The following SGCZ variants were observed in gnomAD, a reference collection of about 807,000 sequenced individuals.
SGCZ encodes zeta-sarcoglycan.
Under a neutral mutation model 41.3 loss-of-function variants are expected in SGCZ, and 40 were observed. The ratio of observed to expected loss-of-function variants is 0.97; its 90% CI spans 0.75 to 1.26. The LOEUF is 1.26. SGCZ is among the 50% of genes most tolerant of loss of function. The probability of loss-of-function intolerance (pLI) is 0.00; values close to 1 mark genes in which losing one functional copy is unlikely to be tolerated. For missense variants in SGCZ, 552 were observed against 369.8 expected (o/e 1.49, Z -4.04); for synonymous variants, 206 against 137.5 (o/e 1.50, Z -3.49).
At chr8:15,154,393 T>G (rs1332715126) in intron 1 of SGCZ, among the ~76,000 whole-genome samples, 1 of 152,182 alleles carries the variant, frequency 6.6e-6, no homozygotes, top group Non-Finnish European at 1.5e-5. Flanking sequence ...AGCCTGGTCA[T>G]GCCTCCCTTC....
chr8:14,519,705 A>C lies in SGCZ; in HGVS notation c.234+35027T>G, dbSNP rs564692817. 2.8e-4 allele frequency among the ~76,000 whole-genome samples: 43 copies of C among 152,218 alleles called. 2 individuals are homozygous for C. In the South Asian group the frequency reaches 8.9e-3, roughly 32 times the overall value. ...TCTCGGCTGTTCATTTATCTGCAATAATCTTTCTCATACTCCATTATTTAT... is the reference window on the plus strand; with the variant it reads ...TCTCGGCTGTTCATTTATCTGCAATCATCTTTCTCATACTCCATTATTTAT... On this transcript the variant is annotated intron_variant, in intron 2 of 7. Transcript: ENST00000382080.
At chr8:14,311,714 T>C (rs1377872163) in intron 3 of SGCZ, among the ~76,000 whole-genome samples, 1 of 152,190 alleles carries the variant, frequency 6.6e-6, no homozygotes, top group African/African-American at 2.4e-5. Context: ...TGGAGAAGTA[T>C]ATTTTCAAAG....
intron 5 of SGCZ, among the ~76,000 whole-genome samples, chr8:14,137,472 G>C (rs1000569466): frequency 1.3e-5 from 2 of 152,312 alleles, no homozygotes; most frequent in African/African-American, 4.8e-5. Flanking sequence ...AAACAGTGTA[G>C]AGAAGGCCTT....
At chr8:14,739,857 C>A (rs1435602052) in intron 1 of SGCZ, among the ~76,000 whole-genome samples, 2 of 151,992 alleles carry the variant, frequency 1.3e-5, no homozygotes, top group Non-Finnish European at 2.9e-5. Context: ...ATCCAAAGTT[C>A]TATCGCAATT....
intron 5 of SGCZ, among the ~76,000 whole-genome samples, chr8:14,136,240 G>A (rs1803193377): frequency 6.6e-6 from 1 of 152,164 alleles, no homozygotes; most frequent in Admixed American, 6.5e-5. Flanking sequence ...GAGTGACGCA[G>A]AAGACAGGTG....
chr8:14,199,046 A>G (rs1805370464), intron 4 of SGCZ, among the ~76,000 whole-genome samples: 1 of 152,208 alleles, frequency 6.6e-6, no homozygotes, highest in Admixed American at 6.5e-5. Context: ...TAAGAAAAGG[A>G]TAACAGCAAT....
chr8:14,736,515 G>T (rs1799035404), intron 1 of SGCZ, among the ~76,000 whole-genome samples: 1 of 152,012 alleles, frequency 6.6e-6, no homozygotes, highest in Admixed American at 6.6e-5. Flanking sequence ...GGTGCAGGTG[G>T]TATTTGGTTA....
chr8:15,012,791 G>A (rs1038088637), intron 1 of SGCZ, among the ~76,000 whole-genome samples: 8 of 149,024 alleles, frequency 5.4e-5, no homozygotes, highest in African/African-American at 1.7e-4. Flanking sequence ...TTATTTATGT[G>A]TGTGTGCATA....
chr8:14,188,403 G>C (rs1804975404), intron 4 of SGCZ, among the ~76,000 whole-genome samples: 1 of 150,918 alleles, frequency 6.6e-6, no homozygotes, highest in Admixed American at 6.6e-5. Context: ...TGCAACATTA[G>C]TAAACCCTGA....
intron 3 of SGCZ, among the ~76,000 whole-genome samples, chr8:14,242,743 CT>C (rs1798936844): frequency 6.6e-6 from 1 of 152,012 alleles, no homozygotes; most frequent in Non-Finnish European, 1.5e-5. Context: ...AATGACACAG[CT>C]AAAAAAGGTA....
intron 2 of SGCZ, among the ~76,000 whole-genome samples, chr8:14,409,067 T>C (rs1017984113): frequency 2.0e-5 from 3 of 151,970 alleles, no homozygotes; most frequent in African/African-American, 7.3e-5. Flanking sequence ...ACGACACAGA[T>C]CCCAGTGTTA....
In SGCZ at chr8:14,333,517, G is replaced by T. The variant is rs369726399; in HGVS notation, c.235-9313C>A. ...AATAGAATACCAGAATTAATGACCT[G>T]GTGAAAAAAAAAAGTTACTTTTTCA... On this transcript the variant is annotated intron_variant, in intron 2 of 7. Coordinates refer to ENST00000382080, the MANE Select transcript of SGCZ (RefSeq NM_139167.4). Among the ~76,000 whole-genome samples, 3 of 151,372 alleles carry T rather than the reference G, an allele frequency of 2.0e-5. No individual in the cohort carries two copies. The South Asian group carries it at 6.2e-4, about 32-fold the overall frequency.
chr8:14,789,990 T>C (rs1270998558), intron 1 of SGCZ, among the ~76,000 whole-genome samples: 2 of 152,172 alleles, frequency 1.3e-5, no homozygotes, highest in African/African-American at 4.8e-5. Context: ...TAAATGTAAA[T>C]TCATGTAAAT....
intron 3 of SGCZ, among the ~76,000 whole-genome samples, chr8:14,294,169 G>T (rs1800936725): frequency 6.6e-6 from 1 of 151,696 alleles, no homozygotes; most frequent in African/African-American, 2.4e-5. Flanking sequence ...TTATTATGTA[G>T]ACTAAAAACT....
At chr8:14,933,473 C>T (rs1319491553) in intron 1 of SGCZ, among the ~76,000 whole-genome samples, 2 of 131,366 alleles carry the variant, frequency 1.5e-5, no homozygotes, top group Non-Finnish European at 1.5e-5. Context: ...GCTCTGTCGT[C>T]CAGGCTGGAG....
intron 2 of SGCZ, among the ~76,000 whole-genome samples, chr8:14,390,116 C>G (rs949913769): frequency 6.6e-6 from 1 of 151,784 alleles, no homozygotes; most frequent in Non-Finnish European, 1.5e-5. Flanking sequence ...AATAAAAATT[C>G]CATTCCCAGG....
chr8:14,813,986 C>G lies in SGCZ; in HGVS notation c.40-259060G>C, dbSNP rs144789165. Among the ~76,000 whole-genome samples the G allele has an allele frequency of 2.1e-4, 32 of 152,136 alleles. No homozygotes were observed. In the East Asian group the frequency reaches 6.2e-3, roughly 29 times the overall value. On this transcript the variant is annotated intron_variant, in intron 1 of 7. Coordinates refer to ENST00000382080, the MANE Select transcript of SGCZ (RefSeq NM_139167.4). ...CTAAGCAAATAAGTAAATAAAAACA[C>G]ATACCCACAAGTGCTACAAAAGATA...
intron 1 of SGCZ, among the ~76,000 whole-genome samples, chr8:15,115,553 GA>G (rs1230835720): frequency 6.6e-6 from 1 of 152,158 alleles, no homozygotes; most frequent in African/African-American, 2.4e-5. Flanking sequence ...AACTTGAATT[GA>G]AAACATATGT....
At chr8:14,998,681 T>C (rs766488114) in intron 1 of SGCZ, among the ~76,000 whole-genome samples, 2 of 152,194 alleles carry the variant, frequency 1.3e-5, no homozygotes, top group Non-Finnish European at 2.9e-5. Flanking sequence ...TTGAAGTCAA[T>C]TATTCATAAT....
Sources: allele counts gnomAD v4.1 joint callset (sites outside exome capture counted in the v4.1 genomes callset), GRCh38; gene constraint gnomAD v4.1.1; transcripts MANE v1.5; gene names NCBI Gene and HGNC (gene_info 2026-07-23, HGNC 2026-07-21).